The following DDX21 variants were observed in gnomAD, a reference collection of about 807,000 sequenced individuals.
DDX21 encodes the protein DExD-box helicase 21.
In DDX21, 18 loss-of-function variants were observed where a neutral mutation model predicts 90.0. The ratio of observed to expected loss-of-function variants is 0.20; its 90% CI spans 0.14 to 0.30. The LOEUF (loss-of-function observed/expected upper bound fraction) is 0.30. DDX21 is among the 10% of genes least tolerant of loss of function. The pLI is 1.00. For synonymous variants in DDX21, 294 were observed against 318.0 expected (o/e 0.92, Z 0.80); for missense variants, 673 against 944.5 (o/e 0.71, Z 3.77).
At chr10:68,972,467 T>C (rs752533497) in intron 9 of DDX21, among the ~76,000 whole-genome samples, 7 of 152,248 alleles carry the variant, frequency 4.6e-5, no homozygotes. Flanking sequence ...CCCTGAATCA[T>C]AGTTTACTTG....
intron 11 of DDX21, 101 bp from the exon 12 acceptor site, chr10:68,977,426 CAT>C (rs1843117313): frequency 1.9e-6 from 2 of 1,059,004 alleles, no homozygotes; most frequent in Non-Finnish European, 2.7e-6. Flanking sequence ...ATATGTTACA[CAT>C]GTGAAAGATT....
chr10:68,959,775 T>C (rs775855456), intron 1 of DDX21, 31 bp from the exon 2 acceptor site: 3 of 1,438,208 alleles, frequency 2.1e-6, no homozygotes, highest in Non-Finnish European at 2.8e-6. Flanking sequence ...CCTTATTCAG[T>C]GTTTGTATTT....
Position 68,960,063 on chromosome 10 carries a change from A to C in DDX21, c.345A>C (p.Thr115=), listed in dbSNP as rs570130822. 1.9e-5 allele frequency: 31 copies of C among 1,605,130 alleles called. No homozygotes were observed. The East Asian group carries it at 4.9e-4, about 25-fold the overall frequency. The part of the protein sequence containing the change: ...KVVSSKTKKV[T]KNEEPSEEEI... Reference sequence around the variant, plus strand: ...TTTCTTCTAAAACCAAAAAAGTGACAAAAAATGAGGAGCCTTCTGAGGAAG... The same window carrying C: ...TTTCTTCTAAAACCAAAAAAGTGACCAAAAATGAGGAGCCTTCTGAGGAAG... The change falls in exon 2 of 15, where the codon ACA becomes ACC. Residue 115 remains threonine, a synonymous_variant. Transcript: ENST00000354185.
In DDX21 at chr10:68,983,044, AT is replaced by A; in HGVS notation, c.*234del. ...GTTTTTCCTTTTGAAAGGTGTATGA[AT>A]TCATTACATTTTTATTCTAATGTAT... On this transcript the variant is annotated 3_prime_UTR_variant, in exon 15 of 15. Coordinates refer to ENST00000354185, the MANE Select transcript of DDX21 (RefSeq NM_004728.4). 3.4e-6 allele frequency: 2 copies of A among 586,028 alleles called. No individual in the cohort carries two copies. 36.3% of individuals were successfully genotyped at this position (586,028 alleles called of 1,614,324 possible).
chr10:68,965,512 G>T lies in DDX21; in HGVS notation c.904+18G>T. On this transcript the variant is annotated intron_variant, in intron 5 of 14. Transcript: ENST00000354185. ...AGGTCAATGTGAGTACATTCAAAAA[G>T]TGAGGGAGGTATAATGCCACCCATT... 1.3e-6 allele frequency: 2 copies of T among 1,578,666 alleles called. No homozygotes were observed. Among genetic ancestry groups the T allele is most frequent in the Non-Finnish European group, 1.7e-6 (2 of 1,150,204 alleles).
At chr10:68,958,007 A>C (rs1422422429) in intron 1 of DDX21, among the ~76,000 whole-genome samples, 1 of 152,194 alleles carries the variant, frequency 6.6e-6, no homozygotes, top group East Asian at 1.9e-4. Flanking sequence ...CACTCCTTCC[A>C]TATTCTTGTA....
In DDX21 at chr10:68,963,829, G is replaced by A. The variant is rs190887508; in HGVS notation, c.786+360G>A. ...TTTTGGTAGAAAAGCATGAATGGGC[G>A]GTGGCTCACACCTGTAATCCCAGCA... On this transcript the variant is annotated intron_variant, in intron 4 of 14. Coordinates refer to ENST00000354185, the MANE Select transcript of DDX21 (RefSeq NM_004728.4). Among the ~76,000 whole-genome samples, 352 of 152,054 alleles carry A rather than the reference G, an allele frequency of 2.3e-3. 2 individuals are homozygous for A. Among genetic ancestry groups the A allele is most frequent in the African/African-American group, 8.2e-3 (341 of 41,482 alleles).
chr10:68,970,872 C>T (rs12411932), intron 8 of DDX21, among the ~76,000 whole-genome samples: 11,125 of 151,122 alleles, frequency 0.074, 547 homozygotes, highest in African/African-American at 0.13. Context: ...GGGTTGGTCT[C>T]GAACTCCTGA....
At position 68,983,079 on chromosome 10, in the gene DDX21, G is replaced by A. The variant is rs1843218718; in HGVS notation, c.*267G>A. Reference sequence around the variant, plus strand: ...TTTTTATTCTAATGTATTATCTGTAGATTAGAAGATAAAATCAAGCATGTA... The same window carrying A: ...TTTTTATTCTAATGTATTATCTGTAAATTAGAAGATAAAATCAAGCATGTA... On this transcript the variant is annotated 3_prime_UTR_variant, in exon 15 of 15. Coordinates refer to ENST00000354185, the MANE Select transcript of DDX21 (RefSeq NM_004728.4). 2.1e-6 allele frequency: 1 copy of A among 473,968 alleles called. No individual in the cohort carries two copies. Among genetic ancestry groups the A allele is most frequent in the Non-Finnish European group, 3.8e-6 (1 of 265,802 alleles). 29.4% of individuals were successfully genotyped at this position (473,968 alleles called of 1,614,324 possible).
intron 11 of DDX21, 93 bp downstream of exon 11, chr10:68,974,836 T>G: frequency 9.5e-7 from 1 of 1,056,414 alleles, no homozygotes; most frequent in Admixed American, 2.8e-5. Context: ...AAAAAAATTT[T>G]TTTTTTAAAA....
intron 7 of DDX21, 91 bp downstream of exon 7, chr10:68,969,212 G>A: frequency 8.2e-7 from 1 of 1,224,762 alleles, no homozygotes; most frequent in Non-Finnish European, 1.1e-6. Flanking sequence ...TCTTTTTCCA[G>A]ATAAATACTA....
intron 8 of DDX21, among the ~76,000 whole-genome samples, chr10:68,971,043 G>A (rs1843019562): frequency 6.9e-6 from 1 of 144,134 alleles, no homozygotes; most frequent in Admixed American, 7.2e-5. Context: ...CGTGGTCTCG[G>A]ATCACTGTAG....
chr10:68,961,994 A>G, intron 2 of DDX21, 88 bp from the exon 3 acceptor site: 2 of 1,062,674 alleles, frequency 1.9e-6, no homozygotes, highest in Non-Finnish European at 2.8e-6. Flanking sequence ...TTGCTTTAGG[A>G]TAGCTTGTTT....
chr10:68,969,157 G>T, intron 7 of DDX21, 36 bp downstream of exon 7: 1 of 1,570,560 alleles, frequency 6.4e-7, no homozygotes, highest in Non-Finnish European at 8.6e-7. Flanking sequence ...ATATAAAATT[G>T]TATATATTTT....
chr10:68,977,563 C>A lies in DDX21; in HGVS notation c.1777C>A (p.His593Asn), dbSNP rs537346391. 6.2e-7 allele frequency: 1 copy of A among 1,612,672 alleles called. No homozygotes were observed. Among genetic ancestry groups the A allele is most frequent in the Non-Finnish European group, 8.5e-7 (1 of 1,178,970 alleles). Residue 593 changes from histidine (H) to asparagine (N), a missense_variant, in exon 12 of 15, where the codon CAC becomes AAC. By Grantham distance (68) the His-to-Asn change is moderately conservative. This residue lies in a region of DDX21 where 225 missense variants were observed against 298.8 expected (regional missense o/e 0.75). Transcript: ENST00000354185. ...TTCCGTGCCTCCCACTGCCATTAGT[C>A]ACTTCAAACAATCAGCTGAGAAGCT... ...LDSVPPTAIS[H>N]FKQSAEKLIE...
Position 68,967,080 on chromosome 10 carries a change from A to G in DDX21, c.967A>G (p.Ile323Val), listed in dbSNP as rs768555187. ...AACACCAGGTCGTATCAAAGACCAC[A>G]TACAGAATGGCAAACTAGATCTCAC... is the stretch of plus-strand genomic sequence containing the variant. ...VGTPGRIKDH[I>V]QNGKLDLTKL... Residue 323 changes from isoleucine (I) to valine (V), a missense_variant, in exon 6 of 15, where the codon ATA becomes GTA. Coordinates refer to ENST00000354185, the MANE Select transcript of DDX21 (RefSeq NM_004728.4). 21 of 1,612,588 alleles carry G rather than the reference A, an allele frequency of 1.3e-5. No homozygotes were observed. The highest frequency in any genetic ancestry group is 1.7e-5 in the Non-Finnish European group (20 of 1,179,726).
At chr10:68,980,212 C>G (rs957117934) in intron 13 of DDX21, among the ~76,000 whole-genome samples, 1 of 152,046 alleles carries the variant, frequency 6.6e-6, no homozygotes, top group African/African-American at 2.4e-5. Context: ...TACACTCCAG[C>G]TTGGGCAACA....
In DDX21 at chr10:68,961,984, T is replaced by C; in HGVS notation, c.532-98T>C. The C allele has an allele frequency of 3.2e-6, 3 of 930,504 alleles. No homozygotes were observed. In the South Asian group the frequency reaches 5.0e-5, roughly 15 times the overall value. The allele number at this position is 930,504 out of a possible 1,614,324, so 57.6% of individuals were successfully genotyped here. A position where few individuals can be genotyped will look rare whatever the true frequency, so the allele number is the denominator to read the frequency against. On this transcript the variant is annotated intron_variant, in intron 2 of 14. Transcript: ENST00000354185. ...TTTTAAAGTGATGTGTTTAGAAGAATTGCTTTAGGATAGCTTGTTTTGTCT... is the reference window on the plus strand; with the variant it reads ...TTTTAAAGTGATGTGTTTAGAAGAACTGCTTTAGGATAGCTTGTTTTGTCT...
chr10:68,956,202 C>G lies in DDX21; in HGVS notation c.-24C>G. On this transcript the variant is annotated 5_prime_UTR_variant, in exon 1 of 15. Transcript: ENST00000354185. ...TCTCCACGCGGTTGAGAAGACCGGT[C>G]GGCCTGGGCAACCTGCGCTGAAGAT... 2.5e-6 allele frequency: 4 copies of G among 1,612,528 alleles called. No individual in the cohort carries two copies. Among genetic ancestry groups the G allele is most frequent in the Non-Finnish European group, 3.4e-6 (4 of 1,179,044 alleles).
Sources: gnomAD v4.1 joint callset for allele counts (sites outside exome capture counted in the v4.1 genomes callset) on GRCh38, gnomAD v4.1.1 for gene constraint, gnomAD v4.1.1 regional missense constraint, MANE v1.5 for transcripts, NCBI Gene and HGNC (gene_info 2026-07-23, HGNC 2026-07-21) for gene names.